PRAG1: variants seen among roughly 807,000 people sequenced by gnomAD.
PRAG1 encodes inactive tyrosine-protein kinase PRAG1.
In PRAG1, 110 loss-of-function variants were observed where a neutral mutation model predicts 95.6. The ratio of observed to expected loss-of-function variants is 1.15; its 90% confidence interval spans 0.99 to 1.35. The LOEUF (loss-of-function observed/expected upper bound fraction) is 1.35. PRAG1 is among the 40% of genes most tolerant of loss of function. The probability of loss-of-function intolerance (pLI) is 0.00; values close to 1 mark genes in which losing one functional copy is unlikely to be tolerated. For missense variants in PRAG1, 2,554 were observed against 1,864.7 expected, an observed-to-expected ratio of 1.37 and a Z score of -6.81; for synonymous variants, 1,052 against 819.4, an observed-to-expected ratio of 1.28 and a Z score of -4.85.
At chr8:8,340,893 A>G (rs1418119540) in intron 3 of PRAG1, among the ~76,000 whole-genome samples, 1 of 152,220 alleles carries the variant, frequency 6.6e-6, no homozygotes, top group Non-Finnish European at 1.5e-5. Flanking sequence ...TCATCTTTGT[A>G]TCTCAGTATC....
intron 4 of PRAG1, 27 bp downstream of exon 4, chr8:8,339,451 C>T (rs773197940): frequency 6.2e-7 from 1 of 1,609,382 alleles, no homozygotes; most frequent in African/African-American, 1.3e-5. Flanking sequence ...AGAATCTAAG[C>T]CTCTCCGTCA....
At position 8,376,725 on chromosome 8, in the gene PRAG1, C is replaced by T. The variant is rs1336618068; in HGVS notation, c.1684G>A (p.Ala562Thr). Residue 562 changes from alanine to threonine, a missense_variant, in exon 3 of 6, where the codon GCT becomes ACT. Ala to Thr is a moderately conservative substitution (Grantham distance 58). Transcript: ENST00000615670. ...AGCGGTGACACTGGGGGCCCTCCAG[C>T]AGACGGTGACACCGGGGACCCTACA... ...SPVGSPVSPS[A>T]GGPPVSPLAD... 2 of 1,610,102 alleles carry T rather than the reference C, an allele frequency of 1.2e-6. No individual in the cohort carries two copies. Among genetic ancestry groups the T allele is most frequent in the South Asian group, 2.2e-5 (2 of 91,050 alleles).
chr8:8,352,161 A>T (rs1799542456), intron 3 of PRAG1, among the ~76,000 whole-genome samples: 1 of 152,144 alleles, frequency 6.6e-6, no homozygotes, highest in Non-Finnish European at 1.5e-5. Flanking sequence ...GGTTATTTGG[A>T]CCAAAGCTCT....
intron 3 of PRAG1, among the ~76,000 whole-genome samples, chr8:8,348,340 C>T (rs941427326): frequency 3.9e-5 from 6 of 152,208 alleles, no homozygotes; most frequent in African/African-American, 1.2e-4. Context: ...CTAGCTTAGC[C>T]ACCATGTTGG....
chr8:8,374,638 T>A (rs1800319343), intron 3 of PRAG1: 2 of 984,926 alleles, frequency 2.0e-6, no homozygotes, highest in South Asian at 9.4e-5. Context: ...GCCATATAAA[T>A]GGAAGCTCAT....
chr8:8,378,741 G>A (rs1203829965), intron 2 of PRAG1, among the ~76,000 whole-genome samples: 1 of 152,012 alleles, frequency 6.6e-6, no homozygotes, highest in East Asian at 1.9e-4. Flanking sequence ...TGTACCTACA[G>A]TCCCAGCTAC....
At chr8:8,348,286 C>T (rs764283304) in intron 3 of PRAG1, among the ~76,000 whole-genome samples, 21 of 152,176 alleles carry the variant, frequency 1.4e-4, no homozygotes, top group African/African-American at 1.9e-4. Flanking sequence ...GTAAAATGGA[C>T]GATCCTGAAA....
At chr8:8,383,022 G>A (rs894978908) in intron 1 of PRAG1, among the ~76,000 whole-genome samples, 1 of 152,116 alleles carries the variant, frequency 6.6e-6, no homozygotes, top group Non-Finnish European at 1.5e-5. Context: ...AGAACATAAG[G>A]GTGAATAGGT....
chr8:8,380,258 C>T (rs904732633), intron 2 of PRAG1, among the ~76,000 whole-genome samples: 7 of 151,404 alleles, frequency 4.6e-5, no homozygotes, highest in Non-Finnish European at 7.4e-5. Flanking sequence ...CTGAGCAACA[C>T]TGAGACTGTC....
chr8:8,362,730 G>A (rs1799882105), intron 3 of PRAG1, among the ~76,000 whole-genome samples: 1 of 152,182 alleles, frequency 6.6e-6, no homozygotes, highest in African/African-American at 2.4e-5. Context: ...CCTGCCACAA[G>A]AGCACACTGA....
At chr8:8,367,516 G>A (rs1448032423) in intron 3 of PRAG1, among the ~76,000 whole-genome samples, 1 of 145,286 alleles carries the variant, frequency 6.9e-6, no homozygotes, top group Non-Finnish European at 1.5e-5. Context: ...GTTAAGTGAT[G>A]CCACCACGCT....
At chr8:8,325,993 C>T (rs1166105750) in intron 5 of PRAG1, among the ~76,000 whole-genome samples, 1 of 150,784 alleles carries the variant, frequency 6.6e-6, no homozygotes, top group Non-Finnish European at 1.5e-5. Flanking sequence ...GGTCACCTCA[C>T]TTTCTATACC....
intron 1 of PRAG1, among the ~76,000 whole-genome samples, chr8:8,384,205 T>C (rs1800774460): frequency 6.6e-6 from 1 of 152,072 alleles, no homozygotes; most frequent in Admixed American, 6.6e-5. Flanking sequence ...ACTTATTGCC[T>C]CCTCAACAGG....
At chr8:8,363,506 C>A (rs1799910880) in intron 3 of PRAG1, among the ~76,000 whole-genome samples, 1 of 152,008 alleles carries the variant, frequency 6.6e-6, no homozygotes, top group Non-Finnish European at 1.5e-5. Flanking sequence ...ATATGAGGTA[C>A]CTAGAGTAGT....
At chr8:8,347,131 G>T (rs887178533) in intron 3 of PRAG1, among the ~76,000 whole-genome samples, 1 of 152,192 alleles carries the variant, frequency 6.6e-6, no homozygotes, top group Non-Finnish European at 1.5e-5. Flanking sequence ...ACCAATAATT[G>T]TCTCAAAGAC....
chr8:8,366,350 G>A (rs982379924), intron 3 of PRAG1, among the ~76,000 whole-genome samples: 4 of 135,380 alleles, frequency 3.0e-5, no homozygotes, highest in African/African-American at 1.1e-4. Context: ...TTTCACTCTT[G>A]TCATCCAGGC....
chr8:8,360,635 C>T (rs1799814799), intron 3 of PRAG1, among the ~76,000 whole-genome samples: 1 of 152,220 alleles, frequency 6.6e-6, no homozygotes, highest in Admixed American at 6.5e-5. Flanking sequence ...AATGTCTGGC[C>T]AACTCTTAGT....
chr8:8,328,171 G>A lies in PRAG1; in HGVS notation c.2611C>T (p.Arg871Cys), dbSNP rs771709111. 1.3e-5 allele frequency: 21 copies of A among 1,614,130 alleles called. No homozygotes were observed. The highest frequency in any genetic ancestry group is 2.2e-5 in the East Asian group (1 of 44,900). ...GAAGAGGAGAAGACAGGATGGTGGCGGTTCCCGGGGCTCAACGAATAGCTA... is the reference window on the plus strand; with the variant it reads ...GAAGAGGAGAAGACAGGATGGTGGCAGTTCCCGGGGCTCAACGAATAGCTA... ...HFSYSLSPGN[R>C]HHPVFSSSDP... Residue 871 changes from arginine to cysteine, a missense_variant, in exon 5 of 6, where the codon CGC (arginine) becomes TGC (cysteine). Arg to Cys is a radical substitution (Grantham distance 180). Transcript: ENST00000615670.
intron 5 of PRAG1, among the ~76,000 whole-genome samples, chr8:8,319,864 A>G (rs1798418480): frequency 6.6e-6 from 1 of 152,244 alleles, no homozygotes; most frequent in Non-Finnish European, 1.5e-5. Context: ...ATTATTCATC[A>G]GGCAAGTGCA....
Sources: allele counts gnomAD v4.1 joint callset (sites outside exome capture counted in the v4.1 genomes callset), GRCh38; gene constraint gnomAD v4.1.1; transcripts MANE v1.5; gene names NCBI Gene and HGNC (gene_info 2026-07-23, HGNC 2026-07-21).